Variants in MYL12A observed in about 807,000 individuals in gnomAD.
The protein encoded by MYL12A is myosin regulatory light chain 12A.
A neutral mutation model predicts 13.3 loss-of-function variants in MYL12A; 11 were observed. The ratio of observed to expected loss-of-function variants is 0.83; its 90% CI spans 0.52 to 1.37. The LOEUF (loss-of-function observed/expected upper bound fraction) is 1.37, where lower values mean the gene tolerates loss of function less well. Among genes scored for constraint, MYL12A ranks in the 40% most tolerant of loss-of-function variants. The pLI, the probability that MYL12A is intolerant of heterozygous loss-of-function variation, is 0.00. For missense variants in MYL12A, 146 were observed against 212.3 expected (o/e 0.69, Z 1.94); for synonymous variants, 51 against 69.9 (o/e 0.73, Z 1.35).
At chr18:3,252,432 T>C (rs973972369) in intron 1 of MYL12A, 2 of 1,347,622 alleles carry the variant, frequency 1.5e-6, no homozygotes, top group African/African-American at 3.0e-5. Flanking sequence ...TTTTAGGTAT[T>C]ATTAGACATT....
At chr18:3,249,315 C>G (rs1048942018) in intron 1 of MYL12A, 1 of 151,928 alleles carries the variant, frequency 6.6e-6, no homozygotes, top group East Asian at 1.9e-4. Flanking sequence ...ACCTATTAAT[C>G]TAGTCTAACA....
intron 1 of MYL12A, chr18:3,252,233 A>G (rs1299042110): frequency 1.8e-6 from 2 of 1,107,412 alleles, no homozygotes; most frequent in Admixed American, 4.8e-5. Context: ...CCTATTTTAG[A>G]CCTGCTTGGA....
At chr18:3,255,006 G>A (rs1387606825) in intron 3 of MYL12A, among the ~76,000 whole-genome samples, 1 of 152,216 alleles carries the variant, frequency 6.6e-6, no homozygotes, top group Non-Finnish European at 1.5e-5. Context: ...GGTGACATCA[G>A]ATTCTTGTAG....
At position 3,251,141 on chromosome 18, in the gene MYL12A, C is replaced by CA. The variant is rs5822748; in HGVS notation, c.-15-2078dup. Among the ~76,000 whole-genome samples, 160 of 110,084 alleles carry CA rather than the reference C, an allele frequency of 1.5e-3. 1 individual carries two copies. The highest frequency in any genetic ancestry group is 5.8e-3 in the Middle Eastern group (1 of 172). The allele number at this position is 110,084 out of a possible 152,430, so 72.2% of individuals were successfully genotyped here. On this transcript the variant is annotated intron_variant, in intron 1 of 3. Transcript: ENST00000217652. ...TATGAGGCCATTGTCAGTGCTGACC[C>CA]AAAAAAAAAAAAAAGCTTTTTTACT... is the stretch of plus-strand genomic sequence containing the variant.
intron 3 of MYL12A, among the ~76,000 whole-genome samples, chr18:3,254,671 T>C (rs551053565): frequency 2.0e-5 from 3 of 152,362 alleles, no homozygotes; most frequent in Non-Finnish European, 4.4e-5. Flanking sequence ...ATGAAGTACT[T>C]AGCATACTGT....
chr18:3,253,619 C>A, intron 2 of MYL12A, 191 bp downstream of exon 2: 1 of 727,138 alleles, frequency 1.4e-6, no homozygotes, highest in Non-Finnish European at 2.2e-6. Context: ...GGTTGGGGTT[C>A]GTGTGTGTGT....
chr18:3,252,525 A>C, intron 1 of MYL12A: 1 of 1,176,880 alleles, frequency 8.5e-7, no homozygotes, highest in South Asian at 2.1e-5. Context: ...ATGTTTTCTA[A>C]AACTTTTAAA....
intron 1 of MYL12A, among the ~76,000 whole-genome samples, chr18:3,251,727 T>C (rs900472700): frequency 2.7e-5 from 3 of 110,122 alleles, no homozygotes; most frequent in African/African-American, 1.0e-4. Flanking sequence ...TTATGAATAG[T>C]TTTAAGTCAT....
chr18:3,252,403 A>G (rs765046160), intron 1 of MYL12A: 49 of 1,441,926 alleles, frequency 3.4e-5, no homozygotes, highest in Non-Finnish European at 4.3e-5. Flanking sequence ...CAGATTGAGT[A>G]TTGAAAATTG....
rs1285617149 is a variant in MYL12A at position 3,255,653 on chromosome 18, A to G, written c.344-93A>G. Reference sequence around the variant, plus strand: ...ATATATTTGCATGTTTATAGTTTGTAACATACAGAACATGCTTAGTCAAGT... The same window carrying G: ...ATATATTTGCATGTTTATAGTTTGTGACATACAGAACATGCTTAGTCAAGT... On this transcript the variant is annotated intron_variant, in intron 3 of 3. Transcript: ENST00000217652. The G allele has an allele frequency of 2.1e-6, 3 of 1,400,098 alleles. No individual in the cohort carries two copies. In the Admixed American group the frequency reaches 8.4e-5, roughly 39 times the overall value. 86.7% of individuals were successfully genotyped at this position (1,400,098 alleles called of 1,614,324 possible). A position where few individuals can be genotyped will look rare whatever the true frequency, so the allele number is the denominator to read the frequency against.
At position 3,256,222 on chromosome 18, in the gene MYL12A, C is replaced by A. The variant is rs560470375; in HGVS notation, c.*304C>A. The A allele has an allele frequency of 3.7e-6, 1 of 266,796 alleles. No individual in the cohort carries two copies. The highest frequency in any genetic ancestry group is 2.3e-5 in the African/African-American group (1 of 44,128). The allele number at this position is 266,796 out of a possible 1,614,324, so 16.5% of individuals were successfully genotyped here. Reference sequence around the variant, plus strand: ...CGATTTTTTCTGAATCATAATTAAACTTTATGATAAAATACTTACTTGTTT... The same window carrying A: ...CGATTTTTTCTGAATCATAATTAAAATTTATGATAAAATACTTACTTGTTT... On this transcript the variant is annotated 3_prime_UTR_variant, in exon 4 of 4. Transcript: ENST00000217652.
Position 3,255,088 on chromosome 18 carries a change from T to C in MYL12A, c.344-658T>C, listed in dbSNP as rs2081523706. 1.3e-5 allele frequency among the ~76,000 whole-genome samples: 2 copies of C among 152,228 alleles called. 1 individual carries two copies. Among genetic ancestry groups the C allele is most frequent in the South Asian group, 4.1e-4 (2 of 4,828 alleles). On this transcript the variant is annotated intron_variant, in intron 3 of 3. Transcript: ENST00000217652. ...GAGCACACACCTTTCAGCTTACCAC[T>C]GCACATCCCCACTGCCCAGCACAGT... is the stretch of plus-strand genomic sequence containing the variant.
chr18:3,255,681 AG>A, intron 3 of MYL12A, 64 bp from the exon 4 acceptor site: 1 of 1,526,574 alleles, frequency 6.6e-7, no homozygotes, highest in Non-Finnish European at 8.8e-7. Context: ...AGTCAAGTAT[AG>A]ATATTCTTTG....
At chr18:3,254,263 GA>G (rs1371504625) in intron 3 of MYL12A, among the ~76,000 whole-genome samples, 1 of 152,078 alleles carries the variant, frequency 6.6e-6, no homozygotes, top group African/African-American at 2.4e-5. Flanking sequence ...ACCTCATTGG[GA>G]AGCTTATATT....
At chr18:3,253,072 T>C (rs746269815) in intron 1 of MYL12A, among the ~76,000 whole-genome samples, 161 bp from the exon 2 acceptor site, 7 of 152,210 alleles carry the variant, frequency 4.6e-5, no homozygotes, top group Non-Finnish European at 1.0e-4. Context: ...ACAGGACATA[T>C]GTAATCTTGT....
At chr18:3,255,688 CTTT>C in intron 3 of MYL12A, 55 bp from the exon 4 acceptor site, 1 of 1,546,096 alleles carries the variant, frequency 6.5e-7, no homozygotes, top group Non-Finnish European at 8.7e-7. Context: ...TATAGATATT[CTTT>C]GTAATTAACC....
chr18:3,248,879 CTT>C, intron 1 of MYL12A, among the ~76,000 whole-genome samples: 1 of 151,660 alleles, frequency 6.6e-6, no homozygotes, highest in Admixed American at 6.6e-5. Context: ...TTGAAATACA[CTT>C]TTTAAAAATT....
intron 1 of MYL12A, chr18:3,252,482 G>C (rs985271252): frequency 7.9e-7 from 1 of 1,260,688 alleles, no homozygotes; most frequent in South Asian, 1.9e-5. Context: ...GATAAATTTA[G>C]GTAAGAGAGC....
chr18:3,252,760 T>C (rs1167454876), intron 1 of MYL12A, among the ~76,000 whole-genome samples: 1 of 152,234 alleles, frequency 6.6e-6, no homozygotes, highest in South Asian at 2.1e-4. Flanking sequence ...AAAATGTTAG[T>C]TGAAAGTGAA....
Sources: allele counts gnomAD v4.1 joint callset (sites outside exome capture counted in the v4.1 genomes callset), GRCh38; gene constraint gnomAD v4.1.1; transcripts MANE v1.5; gene names NCBI Gene and HGNC (gene_info 2026-07-23, HGNC 2026-07-21).